Variants in THSD7A observed in about 807,000 individuals in gnomAD.
THSD7A encodes the protein thrombospondin type 1 domain containing 7A.
Under a neutral mutation model 231.3 loss-of-function variants are expected in THSD7A, and 96 were observed. The observed-to-expected ratio is 0.41, with a 90% CI of 0.35 to 0.49. The LOEUF is 0.49. Ranked by LOEUF, THSD7A falls within the 20% of genes least tolerant of loss-of-function variation. THSD7A has a pLI of 0.05. For synonymous variants in THSD7A, 940 were observed against 743.3 expected (o/e 1.26, Z -4.30); for missense variants, 2,290 against 2,070.2 (o/e 1.11, Z -2.06).
At chr7:11,801,316 C>T (rs1784269722) in intron 1 of THSD7A, among the ~76,000 whole-genome samples, 1 of 152,074 alleles carries the variant, frequency 6.6e-6, no homozygotes, top group African/African-American at 2.4e-5. Context: ...TTCTCTCTCT[C>T]TGTCTTTCTT....
intron 6 of THSD7A, among the ~76,000 whole-genome samples, chr7:11,531,862 A>G (rs1013368943): frequency 6.6e-6 from 1 of 152,194 alleles, no homozygotes; most frequent in Non-Finnish European, 1.5e-5. Flanking sequence ...GAGAAAGAAT[A>G]TAGCATATAG....
intron 1 of THSD7A, among the ~76,000 whole-genome samples, chr7:11,736,945 T>C (rs1395245258): frequency 3.3e-5 from 5 of 152,100 alleles, no homozygotes; most frequent in South Asian, 4.2e-4. Flanking sequence ...TCACGAGATA[T>C]GATTTTTTAT....
intron 13 of THSD7A, among the ~76,000 whole-genome samples, chr7:11,439,914 A>C (rs1784749752): frequency 6.6e-6 from 1 of 152,082 alleles, no homozygotes; most frequent in Non-Finnish European, 1.5e-5. Context: ...CAGATTTTTC[A>C]ATGTAGATGA....
intron 1 of THSD7A, among the ~76,000 whole-genome samples, chr7:11,725,129 G>C (rs1339069303): frequency 6.6e-6 from 1 of 151,858 alleles, no homozygotes; most frequent in Non-Finnish European, 1.5e-5. Flanking sequence ...TTACATTTGA[G>C]TTTTAATAGC....
At chr7:11,495,051 T>A (rs148627412) in intron 6 of THSD7A, among the ~76,000 whole-genome samples, 111 of 152,174 alleles carry the variant, frequency 7.3e-4, no homozygotes, top group African/African-American at 2.5e-3. Flanking sequence ...GCAGTGTAAT[T>A]GTTTTTGACA....
intron 23 of THSD7A, chr7:11,384,875 AC>A (rs767983791): frequency 1.1e-4 from 16 of 151,958 alleles, no homozygotes; most frequent in Admixed American, 2.0e-4. Context: ...GATTACATTA[AC>A]AACCTGTTCA....
At chr7:11,644,421 A>C (rs1160862693) in intron 1 of THSD7A, among the ~76,000 whole-genome samples, 1 of 151,934 alleles carries the variant, frequency 6.6e-6, no homozygotes, top group Non-Finnish European at 1.5e-5. Context: ...TTTCATCTAA[A>C]CTAGATTTAA....
chr7:11,734,677 G>C (rs1457024397), intron 1 of THSD7A, among the ~76,000 whole-genome samples: 4 of 151,746 alleles, frequency 2.6e-5, no homozygotes, highest in African/African-American at 7.3e-5. Flanking sequence ...ACTATTATTT[G>C]TATAAACATT....
At chr7:11,679,790 A>T (rs923640846) in intron 1 of THSD7A, among the ~76,000 whole-genome samples, 1 of 152,198 alleles carries the variant, frequency 6.6e-6, no homozygotes, top group Non-Finnish European at 1.5e-5. Flanking sequence ...TTATAGATTT[A>T]ATGCTATCCT....
At chr7:11,701,576 G>GT (rs969069334) in intron 1 of THSD7A, among the ~76,000 whole-genome samples, 6 of 150,586 alleles carry the variant, frequency 4.0e-5, no homozygotes, top group East Asian at 2.0e-4. Flanking sequence ...CAAAAACTGT[G>GT]TTTTTTTTCT....
intron 11 of THSD7A, among the ~76,000 whole-genome samples, chr7:11,453,312 A>G (rs1471125697): frequency 2.1e-5 from 2 of 97,120 alleles, no homozygotes; most frequent in Non-Finnish European, 4.0e-5. Context: ...GGAGAATTAG[A>G]ATTTTTCTTT....
intron 11 of THSD7A, among the ~76,000 whole-genome samples, chr7:11,453,066 C>T (rs1009451451): frequency 2.0e-5 from 3 of 151,770 alleles, no homozygotes; most frequent in Non-Finnish European, 4.4e-5. Context: ...AGATAATGTG[C>T]CCTGCCAGGA....
At chr7:11,801,722 AAAC>A (rs970209016) in intron 1 of THSD7A, among the ~76,000 whole-genome samples, 1 of 152,170 alleles carries the variant, frequency 6.6e-6, no homozygotes, top group African/African-American at 2.4e-5. Flanking sequence ...AAGTAAAGCC[AAAC>A]AACAACAAAA....
rs112630294 is a variant in THSD7A at position 11,507,827 on chromosome 7, A to C, written c.1823-25845T>G. On this transcript the variant is annotated intron_variant, in intron 6 of 27. Transcript: ENST00000423059. Reference sequence around the variant, plus strand: ...AATATTTTAAAACCATACATCTGATAAAAGCTTAACATGTAAAATATAAGG... The same window carrying C: ...AATATTTTAAAACCATACATCTGATCAAAGCTTAACATGTAAAATATAAGG... Among the ~76,000 whole-genome samples, 108 of 152,324 alleles carry C rather than the reference A, an allele frequency of 7.1e-4. 1 individual carries two copies. The highest frequency in any genetic ancestry group is 2.5e-3 in the African/African-American group (104 of 41,576).
chr7:11,508,951 G>A (rs542179843), intron 6 of THSD7A, among the ~76,000 whole-genome samples: 3 of 152,282 alleles, frequency 2.0e-5, no homozygotes, highest in African/African-American at 7.2e-5. Flanking sequence ...AGAGGGAAAT[G>A]AAGACTTACC....
At chr7:11,660,109 T>A (rs78463346) in intron 1 of THSD7A, among the ~76,000 whole-genome samples, 9,199 of 151,664 alleles carry the variant, frequency 0.061, 315 homozygotes, top group East Asian at 0.14. Flanking sequence ...TGCTTCTAGA[T>A]GTAAAGAATT....
Position 11,424,741 on chromosome 7 carries a change from T to C in THSD7A, c.3338A>G (p.Asn1113Ser). 1 of 1,613,996 alleles carries C rather than the reference T, an allele frequency of 6.2e-7. No homozygotes were observed. The highest frequency in any genetic ancestry group is 2.2e-5 in the East Asian group (1 of 44,870). The change falls in exon 16 of 28, where the codon AAT becomes AGT. Residue 1113 changes from asparagine (N) to serine (S), a missense_variant. Asn to Ser is a conservative substitution (Grantham distance 46). Coordinates refer to ENST00000423059, the MANE Select transcript of THSD7A (RefSeq NM_015204.3). ...PWSICKVTFV[N>S]MRENCGEGVQ... ...GCCCTCTCCACAGTTCTCCCGCATA[T>C]TCACAAAGGTCACCTTGCAGATGCT...
At chr7:11,830,182 A>G (rs758718078) in intron 1 of THSD7A, among the ~76,000 whole-genome samples, 12 of 152,202 alleles carry the variant, frequency 7.9e-5, no homozygotes, top group Admixed American at 4.6e-4. Flanking sequence ...TCCTACCATG[A>G]CATTTATGAT....
chr7:11,698,048 T>C (rs1780455476), intron 1 of THSD7A, among the ~76,000 whole-genome samples: 1 of 151,440 alleles, frequency 6.6e-6, no homozygotes. Flanking sequence ...ATATTAGCCT[T>C]CTATAGACTC....
Sources: gnomAD v4.1 joint callset for allele counts (sites outside exome capture counted in the v4.1 genomes callset) on GRCh38, gnomAD v4.1.1 for gene constraint, MANE v1.5 for transcripts, NCBI Gene and HGNC (gene_info 2026-07-23, HGNC 2026-07-21) for gene names.